Variants in MIGA1 observed in about 807,000 individuals in gnomAD.
MIGA1 encodes the protein mitoguardin 1, also known as family with sequence similarity 73, member A.
Under a neutral mutation model 82.0 loss-of-function variants are expected in MIGA1, and 58 were observed. That is an observed-to-expected ratio of 0.71 (90% confidence interval 0.57 to 0.88). MIGA1 has a LOEUF of 0.88. Among genes scored for constraint, MIGA1 ranks in the 40% least tolerant of loss-of-function variants. MIGA1 has a pLI of 0.00. For synonymous variants in MIGA1, 249 were observed against 253.6 expected, an observed-to-expected ratio of 0.98 and a Z score of 0.17; for missense variants, 751 against 749.1, an observed-to-expected ratio of 1.00 and a Z score of -0.03.
chr1:77,821,112 C>T (rs984783103), intron 7 of MIGA1, among the ~76,000 whole-genome samples: 15 of 147,818 alleles, frequency 1.0e-4, no homozygotes, highest in South Asian at 2.1e-4. Flanking sequence ...CCAGACTGGG[C>T]GACAAAGTGA....
intron 8 of MIGA1, among the ~76,000 whole-genome samples, chr1:77,856,499 G>T (rs1463878297): frequency 6.6e-6 from 1 of 151,956 alleles, no homozygotes; most frequent in African/African-American, 2.4e-5. Flanking sequence ...GAATCCATCT[G>T]GTCCTGCACT....
chr1:77,829,612 G>A (rs1423004934), intron 7 of MIGA1, among the ~76,000 whole-genome samples: 1 of 151,886 alleles, frequency 6.6e-6, no homozygotes, highest in East Asian at 1.9e-4. Context: ...GGGAGTACAG[G>A]CACCTGCCAC....
At chr1:77,787,241 G>T (rs922545307) in intron 2 of MIGA1, among the ~76,000 whole-genome samples, 1 of 152,148 alleles carries the variant, frequency 6.6e-6, no homozygotes, top group Non-Finnish European at 1.5e-5. Flanking sequence ...TGAGATTTGG[G>T]TGGGGACACA....
rs1449070787 is a variant in MIGA1, at chr1:77,878,373, A to T, written c.*3309A>T. The T allele has an allele frequency of 7.2e-6, 1 of 138,668 alleles. No individual in the cohort carries two copies. Among genetic ancestry groups the T allele is most frequent in the Non-Finnish European group, 1.6e-5 (1 of 64,382 alleles). 8.6% of individuals were successfully genotyped at this position (138,668 alleles called of 1,614,324 possible). On this transcript the variant is annotated 3_prime_UTR_variant, in exon 16 of 16. Transcript: ENST00000370791. ...CGTGCCATTGCACTCCAGCCTGGGC[A>T]ACAAGAGTAAAACTCTGTCTCAAAA... is the stretch of plus-strand genomic sequence containing the variant.
At chr1:77,831,465 A>C (rs1257693303) in intron 7 of MIGA1, among the ~76,000 whole-genome samples, 1 of 151,406 alleles carries the variant, frequency 6.6e-6, no homozygotes, top group Non-Finnish European at 1.5e-5. Context: ...ATATATATTT[A>C]TATATTTTAT....
intron 8 of MIGA1, chr1:77,848,395 A>G (rs6695986): frequency 0.77 from 742,439 of 967,414 alleles, 289,728 homozygotes; most frequent in Non-Finnish European, 0.81. Flanking sequence ...GAGCGTATGA[A>G]AGTAAGGAAA....
At position 77,877,504 on chromosome 1, in the gene MIGA1, T is replaced by A. The variant is rs1334489022; in HGVS notation, c.*2440T>A. ...CATTATGTACTGTTTACTTTTTATT[T>A]AATATTACATGTTTTTACCTTGTTG... On this transcript the variant is annotated 3_prime_UTR_variant, in exon 16 of 16. Coordinates refer to ENST00000370791, the MANE Select transcript of MIGA1 (RefSeq NM_198549.4). 1 of 152,332 alleles carries A rather than the reference T, an allele frequency of 6.6e-6. No homozygotes were observed. The highest frequency in any genetic ancestry group is 1.9e-4 in the East Asian group (1 of 5,206). The allele number at this position is 152,332 out of a possible 1,614,324, so 9.4% of individuals were successfully genotyped here.
chr1:77,788,641 T>G (rs75447952), intron 2 of MIGA1, among the ~76,000 whole-genome samples: 9,530 of 152,248 alleles, frequency 0.063, 540 homozygotes, highest in African/African-American at 0.15. Flanking sequence ...GAGTTAATTT[T>G]TGTATGTATT....
At chr1:77,871,520 G>T (rs942391660) in intron 14 of MIGA1, among the ~76,000 whole-genome samples, 4 of 151,690 alleles carry the variant, frequency 2.6e-5, no homozygotes, top group Non-Finnish European at 5.9e-5. Flanking sequence ...AAAAAGAAAA[G>T]AAAATGAGGT....
chr1:77,872,922 A>C, intron 14 of MIGA1, 82 bp from the exon 15 acceptor site: 1 of 1,562,776 alleles, frequency 6.4e-7, no homozygotes, highest in African/African-American at 1.4e-5. Context: ...TCATATAATG[A>C]ATAGCAACTT....
intron 2 of MIGA1, among the ~76,000 whole-genome samples, chr1:77,793,719 C>A: frequency 6.6e-6 from 1 of 151,626 alleles, no homozygotes; most frequent in East Asian, 1.9e-4. Flanking sequence ...CCCACCTCAG[C>A]CTCCCAAAGT....
chr1:77,834,442 C>T (rs942612896), intron 7 of MIGA1, among the ~76,000 whole-genome samples: 1 of 152,196 alleles, frequency 6.6e-6, no homozygotes, highest in Admixed American at 6.5e-5. Context: ...TCCCAAAGCA[C>T]CAGAATTGCA....
intron 2 of MIGA1, among the ~76,000 whole-genome samples, chr1:77,795,482 C>G (rs1682614347): frequency 6.6e-6 from 1 of 151,904 alleles, no homozygotes; most frequent in African/African-American, 2.4e-5. Flanking sequence ...TGTGGGCACC[C>G]ACTGCCATAC....
intron 14 of MIGA1, among the ~76,000 whole-genome samples, chr1:77,869,683 CGGCT>C (rs1172016658): frequency 1.8e-5 from 2 of 111,278 alleles, no homozygotes; most frequent in Admixed American, 8.1e-5. Context: ...ACGGGGCGGC[CGGCT>C]GGGCGGGGGG....
intron 8 of MIGA1, among the ~76,000 whole-genome samples, chr1:77,858,278 T>C (rs980109975): frequency 6.6e-6 from 1 of 151,590 alleles, no homozygotes; most frequent in African/African-American, 2.4e-5. Flanking sequence ...ACCTGGGCGA[T>C]GGAGGCTGCA....
intron 7 of MIGA1, among the ~76,000 whole-genome samples, chr1:77,840,306 G>T (rs1684582220): frequency 6.6e-6 from 1 of 151,988 alleles, no homozygotes; most frequent in South Asian, 2.1e-4. Context: ...TTCTTTGTTA[G>T]ATTTTTTAAA....
At chr1:77,847,161 G>C in intron 8 of MIGA1, 1 of 1,262,192 alleles carries the variant, frequency 7.9e-7, no homozygotes, top group Non-Finnish European at 1.2e-6. Flanking sequence ...AAACACAGCA[G>C]TTGCATCCTG....
intron 7 of MIGA1, among the ~76,000 whole-genome samples, chr1:77,817,827 G>A (rs1182391239): frequency 5.9e-5 from 9 of 152,076 alleles, no homozygotes; most frequent in African/African-American, 1.9e-4. Flanking sequence ...TCAGAGGCTC[G>A]GGGCGAATGT....
intron 14 of MIGA1, 21 bp from the exon 15 acceptor site, chr1:77,872,983 T>G: frequency 6.2e-7 from 1 of 1,613,100 alleles, no homozygotes; most frequent in Non-Finnish European, 8.5e-7. Context: ...AGTAACTTGA[T>G]TCTCCTTTAC....
Sources: gnomAD v4.1 joint callset for allele counts (sites outside exome capture counted in the v4.1 genomes callset) on GRCh38, gnomAD v4.1.1 for gene constraint, MANE v1.5 for transcripts, NCBI Gene and HGNC (gene_info 2026-07-23, HGNC 2026-07-21) for gene names.